The following CDH8 variants were observed in gnomAD, a reference collection of about 807,000 sequenced individuals.
CDH8 encodes the protein cadherin 8.
CDH8 carries 17 observed loss-of-function variants against 68.1 expected under a neutral mutation model. That is an observed-to-expected ratio of 0.25 (90% CI 0.17 to 0.37). The LOEUF (loss-of-function observed/expected upper bound fraction) is 0.37. Ranked by LOEUF, CDH8 falls within the 10% of genes least tolerant of loss-of-function variation. The pLI, the probability that CDH8 is intolerant of heterozygous loss-of-function variation, is 1.00. For synonymous variants in CDH8, 372 were observed against 365.1 expected (o/e 1.02, Z -0.21); for missense variants, 763 against 999.3 (o/e 0.76, Z 3.19).
intron 10 of CDH8, among the ~76,000 whole-genome samples, chr16:61,706,569 C>G (rs866908880): frequency 7.1e-6 from 1 of 141,726 alleles, no homozygotes; most frequent in Admixed American, 7.7e-5. Flanking sequence ...TGCAGTGAGC[C>G]GAGATCGCGC....
At chr16:61,820,568 G>C (rs1478444766) in intron 6 of CDH8, among the ~76,000 whole-genome samples, 1 of 151,802 alleles carries the variant, frequency 6.6e-6, no homozygotes, top group African/African-American at 2.4e-5. Context: ...AATAGTAACT[G>C]TCCACCAATT....
rs553414077 is a variant in CDH8, at chr16:61,670,765, T to G, written c.1655-15044A>C. ...ATAGCATTGAACCCTATATTTACTG[T>G]TTTTTTTTCTTTTATCTGATTACCT... On this transcript the variant is annotated intron_variant, in intron 10 of 11. Transcript: ENST00000577390. Among the ~76,000 whole-genome samples, 177 of 150,690 alleles carry G rather than the reference T, an allele frequency of 1.2e-3. 2 individuals carry two copies. Among genetic ancestry groups the G allele is most frequent in the Non-Finnish European group, 1.8e-3 (121 of 67,564 alleles).
At chr16:61,910,461 C>T (rs1354790162) in intron 2 of CDH8, among the ~76,000 whole-genome samples, 1 of 151,556 alleles carries the variant, frequency 6.6e-6, no homozygotes, top group Non-Finnish European at 1.5e-5. Context: ...TTCTCTAAGA[C>T]AAGCAAAGAT....
intron 2 of CDH8, among the ~76,000 whole-genome samples, chr16:61,905,229 G>A (rs1964042158): frequency 6.6e-6 from 1 of 152,118 alleles, no homozygotes; most frequent in Admixed American, 6.5e-5. Flanking sequence ...GACTCATTCA[G>A]CTGGCTGTAG....
At chr16:61,788,160 A>T (rs1473706920) in intron 8 of CDH8, among the ~76,000 whole-genome samples, 1 of 151,972 alleles carries the variant, frequency 6.6e-6, no homozygotes, top group African/African-American at 2.4e-5. Context: ...TTCTTTTTAT[A>T]AGGCTTGGTA....
At chr16:61,940,829 C>A (rs926517896) in intron 2 of CDH8, 8 of 152,182 alleles carry the variant, frequency 5.3e-5, no homozygotes, top group Non-Finnish European at 1.2e-4. Flanking sequence ...CAATACGGAA[C>A]ACCTGGAGAG....
intron 10 of CDH8, among the ~76,000 whole-genome samples, chr16:61,689,665 C>A (rs1366800654): frequency 6.6e-6 from 1 of 151,976 alleles, no homozygotes; most frequent in Non-Finnish European, 1.5e-5. Context: ...GTTTTGTAAG[C>A]CAAGATGCAA....
chr16:61,715,591 T>A (rs911425345), intron 9 of CDH8, among the ~76,000 whole-genome samples: 5 of 151,678 alleles, frequency 3.3e-5, no homozygotes, highest in Non-Finnish European at 7.4e-5. Context: ...TTGCTATTTA[T>A]TGATGACCTG....
intron 8 of CDH8, among the ~76,000 whole-genome samples, chr16:61,784,007 G>T (rs916831615): frequency 1.3e-5 from 2 of 152,090 alleles, no homozygotes; most frequent in African/African-American, 4.8e-5. Context: ...GACCATCGAG[G>T]CTAGGAAGAA....
At chr16:61,848,175 C>G (rs1346406838) in intron 4 of CDH8, among the ~76,000 whole-genome samples, 1 of 152,022 alleles carries the variant, frequency 6.6e-6, no homozygotes. Flanking sequence ...GAGAAAAAAT[C>G]CTGATCCTAC....
chr16:61,843,773 G>T (rs1395600974), intron 4 of CDH8, among the ~76,000 whole-genome samples: 1 of 152,098 alleles, frequency 6.6e-6, no homozygotes, highest in Non-Finnish European at 1.5e-5. Context: ...GGGTCAAATG[G>T]TATTTCTAGT....
At chr16:61,770,412 A>G (rs528757545) in intron 8 of CDH8, among the ~76,000 whole-genome samples, 7 of 152,014 alleles carry the variant, frequency 4.6e-5, no homozygotes, top group Admixed American at 3.3e-4. Flanking sequence ...CAGCTTCTCC[A>G]GCCATTCTTC....
At chr16:61,894,845 G>T (rs1963842540) in intron 3 of CDH8, among the ~76,000 whole-genome samples, 1 of 151,950 alleles carries the variant, frequency 6.6e-6, no homozygotes. Context: ...ACTGAGATTT[G>T]CCTTTTTCAA....
intron 10 of CDH8, among the ~76,000 whole-genome samples, chr16:61,708,628 A>G (rs1964574996): frequency 6.6e-6 from 1 of 152,246 alleles, no homozygotes; most frequent in Admixed American, 6.5e-5. Context: ...AATCTGTTTT[A>G]TCTATTTTTC....
At chr16:61,723,558 T>C (rs1596900981) in intron 9 of CDH8, among the ~76,000 whole-genome samples, 3 of 150,912 alleles carry the variant, frequency 2.0e-5, no homozygotes, top group Admixed American at 1.3e-4. Context: ...TGCAATTCTA[T>C]CATTTACAAT....
intron 2 of CDH8, among the ~76,000 whole-genome samples, chr16:61,950,747 C>T (rs1964882332): frequency 1.3e-5 from 2 of 152,072 alleles, no homozygotes; most frequent in Admixed American, 1.3e-4. Context: ...TTTGTGGGAA[C>T]ATGGATGGGA....
chr16:61,892,774 G>A (rs1233265938), intron 3 of CDH8, among the ~76,000 whole-genome samples: 1 of 152,074 alleles, frequency 6.6e-6, no homozygotes, highest in Non-Finnish European at 1.5e-5. Flanking sequence ...ACTTGTGGGG[G>A]GAGTAAGGCG....
At chr16:61,900,728 T>A (rs1006659235) in intron 3 of CDH8, among the ~76,000 whole-genome samples, 6 of 152,190 alleles carry the variant, frequency 3.9e-5, no homozygotes, top group African/African-American at 1.4e-4. Context: ...CATGAACCAC[T>A]AGAGCAACCT....
intron 8 of CDH8, among the ~76,000 whole-genome samples, chr16:61,745,245 T>A (rs976856528): frequency 6.6e-6 from 1 of 151,936 alleles, no homozygotes; most frequent in African/African-American, 2.4e-5. Flanking sequence ...AAATAAGCTG[T>A]CTGCTTTTGA....
Sources: gnomAD v4.1 joint callset for allele counts (sites outside exome capture counted in the v4.1 genomes callset) on GRCh38, gnomAD v4.1.1 for gene constraint, MANE v1.5 for transcripts, NCBI Gene and HGNC (gene_info 2026-07-23, HGNC 2026-07-21) for gene names.